Variants in HSD17B12 observed in about 807,000 individuals in gnomAD.
The protein encoded by HSD17B12 is hydroxysteroid 17-beta dehydrogenase 12.
In HSD17B12, 32 loss-of-function variants were observed where a neutral mutation model predicts 39.3. That is an observed-to-expected ratio of 0.81 (90% CI 0.61 to 1.09). The LOEUF is 1.09. Ranked by LOEUF, HSD17B12 falls within the 50% of genes least tolerant of loss-of-function variation. The probability of loss-of-function intolerance (pLI) is 0.00; values close to 1 mark genes in which losing one functional copy is unlikely to be tolerated. For synonymous variants in HSD17B12, 150 were observed against 146.7 expected (o/e 1.02, Z -0.16); for missense variants, 342 against 382.9 (o/e 0.89, Z 0.89).
At chr11:43,753,938 T>C in intron 2 of HSD17B12, 108 bp from the exon 3 acceptor site, 3 of 619,586 alleles carry the variant, frequency 4.8e-6, no homozygotes, top group Non-Finnish European at 8.4e-6. Flanking sequence ...CTTGGGTTTA[T>C]ATTTTGAACT....
At chr11:43,615,051 A>G in the HSD17B12 span, among the ~76,000 whole-genome samples, 1 of 152,110 alleles carries the variant, frequency 6.6e-6, no homozygotes, top group African/African-American at 2.4e-5. Flanking sequence ...TGTAGATTCT[A>G]CAATTTGCAA....
At chr11:43,608,412 A>G in the HSD17B12 span, among the ~76,000 whole-genome samples, 1 of 152,076 alleles carries the variant, frequency 6.6e-6, no homozygotes, top group Non-Finnish European at 1.5e-5. Flanking sequence ...TTAAAAATCA[A>G]TGCCCTTTCT....
intron 4 of HSD17B12, among the ~76,000 whole-genome samples, chr11:43,812,480 A>AT (rs145245184): frequency 0.017 from 2,552 of 152,216 alleles, 25 homozygotes; most frequent in Non-Finnish European, 0.025. Flanking sequence ...GGTGATGAGC[A>AT]TTTTTTCATT....
chr11:43,752,724 A>G (rs10838160), intron 2 of HSD17B12, among the ~76,000 whole-genome samples: 56,721 of 151,728 alleles, frequency 0.37, 11,146 homozygotes, highest in East Asian at 0.68. Flanking sequence ...AAAAAAAAAA[A>G]TAAGTGATTT....
At chr11:43,563,243 T>G in the HSD17B12 span, among the ~76,000 whole-genome samples, 1 of 152,180 alleles carries the variant, frequency 6.6e-6, no homozygotes, top group Admixed American at 6.5e-5. Context: ...AACTAAAACA[T>G]GGATGCTGCT....
chr11:43,624,173 G>T, the HSD17B12 span, among the ~76,000 whole-genome samples: 1 of 151,946 alleles, frequency 6.6e-6, no homozygotes, highest in East Asian at 1.9e-4. Flanking sequence ...TTTGAAGAGG[G>T]CCATAGGATT....
chr11:43,789,657 A>G (rs1282227913), intron 3 of HSD17B12, among the ~76,000 whole-genome samples: 3 of 152,168 alleles, frequency 2.0e-5, no homozygotes, highest in Non-Finnish European at 4.4e-5. Context: ...GACATTAAAG[A>G]GAAGGGTAGG....
At chr11:43,716,242 T>C (rs1230433069) in intron 1 of HSD17B12, among the ~76,000 whole-genome samples, 5 of 152,124 alleles carry the variant, frequency 3.3e-5, no homozygotes, top group Non-Finnish European at 5.9e-5. Context: ...GACTGCAAAA[T>C]GGAGGGACTG....
At chr11:43,647,003 T>C in the HSD17B12 span, among the ~76,000 whole-genome samples, 1 of 152,216 alleles carries the variant, frequency 6.6e-6, no homozygotes, top group Admixed American at 6.5e-5. Context: ...ACGAAACTGT[T>C]TTCAATGAGG....
intron 6 of HSD17B12, among the ~76,000 whole-genome samples, chr11:43,825,895 G>C (rs1951230581): frequency 6.6e-6 from 1 of 151,864 alleles, no homozygotes; most frequent in Non-Finnish European, 1.5e-5. Flanking sequence ...TAGGATAAAT[G>C]CCTTATATAC....
the HSD17B12 span, among the ~76,000 whole-genome samples, chr11:43,624,519 G>T: frequency 6.6e-6 from 1 of 151,668 alleles, no homozygotes; most frequent in Admixed American, 6.6e-5. Flanking sequence ...ATATTCTTAT[G>T]AATTATATAA....
the HSD17B12 span, among the ~76,000 whole-genome samples, chr11:43,608,770 C>T: frequency 2.0e-5 from 3 of 152,092 alleles, no homozygotes; most frequent in Admixed American, 6.5e-5. Context: ...CTAATTATTC[C>T]TTAGACTAAA....
At chr11:43,575,163 C>T in the HSD17B12 span, among the ~76,000 whole-genome samples, 1 of 152,218 alleles carries the variant, frequency 6.6e-6, no homozygotes, top group Non-Finnish European at 1.5e-5. This position sits in a 1 kb window ranked among gnomAD's most constrained non-coding sequence, Gnocchi z 4.1. Flanking sequence ...TTTGTTTCTG[C>T]TCTGGGAGTC....
chr11:43,706,689 G>GGTGTGTGTGT (rs147962977), intron 1 of HSD17B12, among the ~76,000 whole-genome samples: 14,021 of 137,714 alleles, frequency 0.1, 804 homozygotes, highest in Non-Finnish European at 0.14. Context: ...TGAATGAAGG[G>GGTGTGTGTGT]GTGTGTGTGT....
chr11:43,806,664 T>G (rs1003230459), intron 4 of HSD17B12, among the ~76,000 whole-genome samples: 1 of 151,988 alleles, frequency 6.6e-6, no homozygotes, highest in African/African-American at 2.4e-5. Flanking sequence ...AGATAGAGAG[T>G]AGATTGGTGG....
chr11:43,676,160 G>A (rs947754155), upstream of HSD17B12, among the ~76,000 whole-genome samples: 22 of 150,980 alleles, frequency 1.5e-4, no homozygotes, highest in Non-Finnish European at 1.5e-5. Flanking sequence ...TTAGAAAGGG[G>A]GTAAATGATG....
chr11:43,584,867 C>T, the HSD17B12 span, among the ~76,000 whole-genome samples: 2 of 152,168 alleles, frequency 1.3e-5, no homozygotes, highest in African/African-American at 4.8e-5. Flanking sequence ...CAGTACCTAC[C>T]GCATAAGGCA....
chr11:43,817,941 G>T (rs1000722530), intron 6 of HSD17B12, among the ~76,000 whole-genome samples: 2 of 152,000 alleles, frequency 1.3e-5, no homozygotes. Flanking sequence ...TGGCAGTATG[G>T]TCATTTTCAC....
At chr11:43,646,741 G>A in the HSD17B12 span, among the ~76,000 whole-genome samples, 1 of 152,198 alleles carries the variant, frequency 6.6e-6, no homozygotes, top group East Asian at 1.9e-4. Flanking sequence ...ACAAAGTGGT[G>A]AGGTTTTTGT....
Sources: allele counts gnomAD v4.1 joint callset (sites outside exome capture counted in the v4.1 genomes callset), GRCh38; gene constraint gnomAD v4.1.1; non-coding constraint Gnocchi (gnomAD v3.1); transcripts MANE v1.5; gene names NCBI Gene and HGNC (gene_info 2026-07-23, HGNC 2026-07-21).